GALM: variants seen among roughly 807,000 people sequenced by gnomAD.
GALM encodes galactose mutarotase.
In GALM, 43 loss-of-function variants were observed where a neutral mutation model predicts 37.4. The ratio of observed to expected loss-of-function variants is 1.15; its 90% CI spans 0.90 to 1.48. The LOEUF (loss-of-function observed/expected upper bound fraction) is 1.48, where lower values mean the gene tolerates loss of function less well. Among genes scored for constraint, GALM ranks in the 40% most tolerant of loss-of-function variants. GALM has a pLI of 0.00. For missense variants in GALM, 456 were observed against 419.1 expected (o/e 1.09, Z -0.77); for synonymous variants, 199 against 170.6 (o/e 1.17, Z -1.30).
chr2:38,728,684 C>CA (rs1239807875), intron 4 of GALM, among the ~76,000 whole-genome samples: 21 of 81,894 alleles, frequency 2.6e-4, no homozygotes, highest in Admixed American at 2.0e-3. Flanking sequence ...GACTCCATCT[C>CA]AAAAAACAAA....
At chr2:38,689,685 G>T in intron 3 of GALM, 128 bp from the exon 4 acceptor site, 1 of 639,212 alleles carries the variant, frequency 1.6e-6, no homozygotes, top group South Asian at 2.1e-5. Context: ...ATTTAATCAT[G>T]ACCATCAGCC....
Position 38,715,076 on chromosome 2 carries a change from C to T in GALM, c.635-14480C>T, listed in dbSNP as rs1279149815. Among the ~76,000 whole-genome samples the T allele has an allele frequency of 1.3e-5, 2 of 152,114 alleles. 1 individual carries two copies. The highest frequency in any genetic ancestry group is 4.1e-4 in the South Asian group (2 of 4,834). ...GAATACATATTTACAATTGTCATAG[C>T]CTTTTGCTGACTTGATCCTTTTTAT... On this transcript the variant is annotated intron_variant, in intron 4 of 6. Transcript: ENST00000272252.
intron 3 of GALM, 139 bp from the exon 4 acceptor site, chr2:38,689,674 T>G (rs1665625739): frequency 1.6e-6 from 1 of 629,472 alleles, no homozygotes; most frequent in East Asian, 2.6e-5. Context: ...TAGTTGATTA[T>G]ATTTAATCAT....
chr2:38,669,922 G>C (rs1050829308), intron 1 of GALM, among the ~76,000 whole-genome samples: 5 of 150,018 alleles, frequency 3.3e-5, no homozygotes, highest in African/African-American at 7.4e-5. Flanking sequence ...TAGTGCAGTG[G>C]CGCTATCTCG....
intron 4 of GALM, among the ~76,000 whole-genome samples, chr2:38,708,210 G>A (rs1173797795): frequency 6.6e-6 from 1 of 151,934 alleles, no homozygotes; most frequent in Non-Finnish European, 1.5e-5. Context: ...CGAGGCAAGA[G>A]TATCTCTTGA....
intron 1 of GALM, among the ~76,000 whole-genome samples, chr2:38,670,575 T>G (rs73933118): frequency 0.074 from 11,330 of 152,228 alleles, 565 homozygotes; most frequent in East Asian, 0.15. Context: ...ACCTATTTTC[T>G]CACGTGAAAC....
chr2:38,721,928 A>G (rs575338287), intron 4 of GALM, among the ~76,000 whole-genome samples: 4 of 151,926 alleles, frequency 2.6e-5, no homozygotes, highest in Non-Finnish European at 5.9e-5. Flanking sequence ...TCGCTATTCT[A>G]GATGTCTTTC....
intron 4 of GALM, among the ~76,000 whole-genome samples, chr2:38,713,447 T>A (rs1666210389): frequency 1.3e-5 from 2 of 149,068 alleles, no homozygotes; most frequent in South Asian, 4.3e-4. Context: ...GGTGCCCCCC[T>A]CATGCCATGA....
intron 4 of GALM, among the ~76,000 whole-genome samples, chr2:38,719,886 T>G (rs1246672969): frequency 6.7e-6 from 1 of 149,642 alleles, no homozygotes; most frequent in Non-Finnish European, 1.5e-5. Context: ...GGAATTTCAC[T>G]TTCCTTGCAT....
In GALM at chr2:38,733,902, T is replaced by C; in HGVS notation, c.*337T>C. 2.9e-6 allele frequency: 1 copy of C among 343,818 alleles called. No homozygotes were observed. The highest frequency in any genetic ancestry group is 2.8e-5 in the South Asian group (1 of 36,052). 21.3% of individuals were successfully genotyped at this position (343,818 alleles called of 1,614,324 possible). ...CTCTTTCTTTTCAACTTTTTGCCCT[T>C]CCTTTCTTTAAAGCTATTCTCACAT... On this transcript the variant is annotated 3_prime_UTR_variant, in exon 7 of 7. Transcript: ENST00000272252.
chr2:38,679,503 A>G (rs539664613), intron 2 of GALM, among the ~76,000 whole-genome samples: 4 of 152,228 alleles, frequency 2.6e-5, no homozygotes, highest in Non-Finnish European at 5.9e-5. Flanking sequence ...TTGACCTACA[A>G]TGATGGTCAT....
chr2:38,713,440 GC>G (rs34818444), intron 4 of GALM, among the ~76,000 whole-genome samples: 136,041 of 152,080 alleles, frequency 0.89, 60,905 homozygotes, highest in East Asian at 0.99. Flanking sequence ...GGACAGTGGT[GC>G]CCCCCTCATG....
At chr2:38,705,950 C>G (rs920798238) in intron 4 of GALM, among the ~76,000 whole-genome samples, 1 of 152,066 alleles carries the variant, frequency 6.6e-6, no homozygotes, top group Admixed American at 6.6e-5. Flanking sequence ...TGGGTTCAAG[C>G]TATTCTCCCA....
intron 6 of GALM, among the ~76,000 whole-genome samples, chr2:38,733,252 C>T (rs898822063): frequency 1.3e-5 from 2 of 151,228 alleles, no homozygotes; most frequent in Non-Finnish European, 2.9e-5. Flanking sequence ...ACACCTTACA[C>T]CAGATTATAG....
At position 38,703,620 on chromosome 2, in the gene GALM, G is replaced by T. The variant is rs147249802; in HGVS notation, c.634+13726G>T. On this transcript the variant is annotated intron_variant, in intron 4 of 6. Coordinates refer to ENST00000272252, the MANE Select transcript of GALM (RefSeq NM_138801.3). ...TTTCTTACACCCTGATTCAAAGACC[G>T]CACAGAATCTCTAACCCAGATATTC... 3.3e-5 allele frequency among the ~76,000 whole-genome samples: 5 copies of T among 152,192 alleles called. No homozygotes were observed. In the South Asian group the frequency reaches 1.0e-3, roughly 32 times the overall value.
In GALM at chr2:38,732,551, A is replaced by G. The variant is rs1666628954; in HGVS notation, c.951+642A>G. Among the ~76,000 whole-genome samples, 3 of 152,170 alleles carry G rather than the reference A, an allele frequency of 2.0e-5. No individual in the cohort carries two copies. The South Asian group carries it at 6.2e-4, about 31-fold the overall frequency. On this transcript the variant is annotated intron_variant, in intron 6 of 6. Transcript: ENST00000272252. ...GAGAGCTTCCATATCGTCTCCTCCTATGTGCTCCCTCATAACTTTCTTTTC... is the reference window on the plus strand; with the variant it reads ...GAGAGCTTCCATATCGTCTCCTCCTGTGTGCTCCCTCATAACTTTCTTTTC...
chr2:38,708,055 C>G (rs1007199329), intron 4 of GALM, among the ~76,000 whole-genome samples: 19 of 151,438 alleles, frequency 1.3e-4, no homozygotes, highest in Admixed American at 7.9e-4. Flanking sequence ...TGCAGTGAGC[C>G]GAGGTCATGC....
At chr2:38,671,958 C>T (rs923631932) in intron 1 of GALM, among the ~76,000 whole-genome samples, 2 of 151,942 alleles carry the variant, frequency 1.3e-5, no homozygotes, top group African/African-American at 4.8e-5. Flanking sequence ...TGCACTCCAG[C>T]CTAGGTGACA....
At chr2:38,712,236 G>T (rs1338292200) in intron 4 of GALM, among the ~76,000 whole-genome samples, 4 of 152,106 alleles carry the variant, frequency 2.6e-5, no homozygotes, top group South Asian at 4.1e-4. Flanking sequence ...AGAAAAATAT[G>T]TATCTTCACC....
Sources: gnomAD v4.1 joint callset for allele counts (sites outside exome capture counted in the v4.1 genomes callset) on GRCh38, gnomAD v4.1.1 for gene constraint, MANE v1.5 for transcripts, NCBI Gene and HGNC (gene_info 2026-07-23, HGNC 2026-07-21) for gene names.